FMNL3: variants seen among roughly 807,000 people sequenced by gnomAD.
FMNL3 encodes the protein formin like 3.
A neutral mutation model predicts 119.6 loss-of-function variants in FMNL3; 57 were observed. The ratio of observed to expected loss-of-function variants is 0.48; its 90% CI spans 0.39 to 0.59. FMNL3 has a LOEUF of 0.59. FMNL3 is among the 20% of genes least tolerant of loss of function. FMNL3 has a pLI of 0.00. For synonymous variants in FMNL3, 491 were observed against 507.3 expected (o/e 0.97, Z 0.43); for missense variants, 1,053 against 1,323.5 (o/e 0.80, Z 3.17).
Position 49,641,989 on chromosome 12 carries a change from C to T in FMNL3, c.*3826G>A, listed in dbSNP as rs1565849543. On this transcript the variant is annotated 3_prime_UTR_variant, in exon 26 of 26. Coordinates refer to ENST00000335154, the MANE Select transcript of FMNL3 (RefSeq NM_175736.5). ...AAGCTTTGACAAGAGGGCTGCCGCA[C>T]TGGACGCAGGCAACATCAAGCTGAC... 2 of 1,613,702 alleles carry T rather than the reference C, an allele frequency of 1.2e-6. No individual in the cohort carries two copies. The highest frequency in any genetic ancestry group is 1.7e-6 in the Non-Finnish European group (2 of 1,180,038).
At chr12:49,705,175 T>A (rs189912655) in intron 1 of FMNL3, among the ~76,000 whole-genome samples, 80 of 152,206 alleles carry the variant, frequency 5.3e-4, no homozygotes, top group African/African-American at 1.8e-3. Flanking sequence ...CAACCCTTCA[T>A]CAGCAGCAGC....
chr12:49,699,966 A>T (rs1944857866), intron 1 of FMNL3, among the ~76,000 whole-genome samples: 1 of 152,264 alleles, frequency 6.6e-6, no homozygotes, highest in South Asian at 2.1e-4. Flanking sequence ...TATATGTCTC[A>T]AACGCCTTTA....
intron 1 of FMNL3, among the ~76,000 whole-genome samples, chr12:49,696,766 G>A (rs1477229389): frequency 6.6e-6 from 1 of 152,200 alleles, no homozygotes; most frequent in African/African-American, 2.4e-5. Flanking sequence ...ATCTTCCTCT[G>A]AATGGGAATC....
chr12:49,697,867 AAAG>A (rs1209301568), intron 1 of FMNL3, among the ~76,000 whole-genome samples: 1 of 152,134 alleles, frequency 6.6e-6, no homozygotes, highest in Non-Finnish European at 1.5e-5. Flanking sequence ...TGAAAAAAAA[AAAG>A]ACTATAAAGC....
At chr12:49,656,380 C>A in intron 9 of FMNL3, 24 bp downstream of exon 9, 1 of 1,602,034 alleles carries the variant, frequency 6.2e-7, no homozygotes, top group Non-Finnish European at 8.5e-7. Flanking sequence ...CACACACACA[C>A]ACACGCGAAG....
At chr12:49,667,493 TGACCTGGGGAGGCAGTGGAACAGAACA>T in intron 2 of FMNL3, among the ~76,000 whole-genome samples, 1 of 152,178 alleles carries the variant, frequency 6.6e-6, no homozygotes, top group African/African-American at 2.4e-5. Context: ...TCAAGCAGCA[TGACCTGGGGAGGCAGTGGAACAGAACA>T]GTTAACACAG....
intron 1 of FMNL3, among the ~76,000 whole-genome samples, chr12:49,697,236 A>C (rs756765737): frequency 5.3e-5 from 8 of 152,224 alleles, no homozygotes; most frequent in Non-Finnish European, 1.2e-4. Context: ...TAGAGCCCAC[A>C]GTACAGAGGA....
intron 5 of FMNL3, chr12:49,659,883 C>G: frequency 1.0e-6 from 1 of 985,420 alleles, no homozygotes; most frequent in Non-Finnish European, 1.2e-6. Flanking sequence ...ACTAAGGGAG[C>G]ATCTCTTACA....
intron 13 of FMNL3, 29 bp downstream of exon 13, chr12:49,653,197 A>C: frequency 6.2e-7 from 1 of 1,603,008 alleles, no homozygotes; most frequent in South Asian, 1.1e-5. Context: ...AGGATCAGTC[A>C]GGGACTGCCT....
In FMNL3 at chr12:49,643,503, C is replaced by A; in HGVS notation, c.*2312G>T. 1 of 1,447,024 alleles carries A rather than the reference C, an allele frequency of 6.9e-7. No homozygotes were observed. Among genetic ancestry groups the A allele is most frequent in the Non-Finnish European group, 9.3e-7 (1 of 1,074,996 alleles). 89.6% of individuals were successfully genotyped at this position (1,447,024 alleles called of 1,614,324 possible). ...TTGAGGGTAGACTGGATTGGGAGGG[C>A]TGCACCTGTGGAAGTAGAAAGAACT... On this transcript the variant is annotated 3_prime_UTR_variant, in exon 26 of 26. Coordinates refer to ENST00000335154, the MANE Select transcript of FMNL3 (RefSeq NM_175736.5).
chr12:49,680,788 C>T lies in FMNL3; in HGVS notation c.127-12234G>A, dbSNP rs183745363. Among the ~76,000 whole-genome samples, 5 of 152,312 alleles carry T rather than the reference C, an allele frequency of 3.3e-5. No individual in the cohort carries two copies. In the East Asian group the frequency reaches 9.6e-4, roughly 29 times the overall value. On this transcript the variant is annotated intron_variant, in intron 1 of 25. Transcript: ENST00000335154. Reference sequence around the variant, plus strand: ...TCTTTTATATGCCAGGCACTTTTCTCACATTCTCTCACTTACTATTCTCAA... The same window carrying T: ...TCTTTTATATGCCAGGCACTTTTCTTACATTCTCTCACTTACTATTCTCAA...
Position 49,643,794 on chromosome 12 carries a change from A to G in FMNL3, c.*2021T>C. The G allele has an allele frequency of 6.2e-7, 1 of 1,613,642 alleles. No homozygotes were observed. The highest frequency in any genetic ancestry group is 8.5e-7 in the Non-Finnish European group (1 of 1,179,838). ...CTACCTAAGCCCCTGCTATTTTGTG[A>G]GTTCTGTTCTACCTGCCTCCCAGGC... On this transcript the variant is annotated 3_prime_UTR_variant, in exon 26 of 26. Transcript: ENST00000335154.
intron 1 of FMNL3, among the ~76,000 whole-genome samples, chr12:49,682,660 C>T (rs1433828749): frequency 3.3e-5 from 5 of 152,080 alleles, no homozygotes; most frequent in Non-Finnish European, 5.9e-5. Context: ...TTTCATAGTA[C>T]TTTAAAATAT....
intron 1 of FMNL3, among the ~76,000 whole-genome samples, chr12:49,704,900 T>C (rs981968055): frequency 1.3e-5 from 2 of 151,668 alleles, no homozygotes; most frequent in Admixed American, 1.3e-4. Context: ...TAAGCCAGAG[T>C]CCTTGATTTT....
At chr12:49,691,859 C>A (rs953453517) in intron 1 of FMNL3, among the ~76,000 whole-genome samples, 1 of 151,646 alleles carries the variant, frequency 6.6e-6, no homozygotes, top group Non-Finnish European at 1.5e-5. Flanking sequence ...CATGGTGAAA[C>A]CCCCATCTCT....
At position 49,693,647 on chromosome 12, in the gene FMNL3, T is replaced by G. The variant is rs1005591621; in HGVS notation, c.126+13408A>C. On this transcript the variant is annotated intron_variant, in intron 1 of 25. Coordinates refer to ENST00000335154, the MANE Select transcript of FMNL3 (RefSeq NM_175736.5). ...GCCTCCCAATCTTGGTTTTTTTTTT[T>G]TTTTTTTTTTTTTTTTTTGAGACAG... 2.3e-5 allele frequency among the ~76,000 whole-genome samples: 3 copies of G among 128,286 alleles called. 1 individual carries two copies. The highest frequency in any genetic ancestry group is 4.9e-5 in the Non-Finnish European group (3 of 60,626). The allele number at this position is 128,286 out of a possible 152,430, so 84.2% of individuals were successfully genotyped here.
rs181630424 is a variant in FMNL3 at position 49,678,743 on chromosome 12, A to G, written c.127-10189T>C. ...CTCCCAAAATTTTAAGACTACAGGC[A>G]TGAGCCACAGTGCCCCACCTTGAAT... On this transcript the variant is annotated intron_variant, in intron 1 of 25. Coordinates refer to ENST00000335154, the MANE Select transcript of FMNL3 (RefSeq NM_175736.5). Among the ~76,000 whole-genome samples, 103 of 152,288 alleles carry G rather than the reference A, an allele frequency of 6.8e-4. 1 individual carries two copies. The Middle Eastern group carries it at 0.01, about 15-fold the overall frequency.
chr12:49,646,756 G>A, intron 25 of FMNL3, 130 bp downstream of exon 25: 1 of 1,596,590 alleles, frequency 6.3e-7, no homozygotes, highest in Non-Finnish European at 8.5e-7. Context: ...CTTCAGCACT[G>A]TGGCCCAGGA....
At chr12:49,697,022 G>A in intron 1 of FMNL3, among the ~76,000 whole-genome samples, 1 of 152,244 alleles carries the variant, frequency 6.6e-6, no homozygotes, top group Non-Finnish European at 1.5e-5. Flanking sequence ...TTCATACATA[G>A]ATGGGAGGGG....
Sources: gnomAD v4.1 joint callset for allele counts (sites outside exome capture counted in the v4.1 genomes callset) on GRCh38, gnomAD v4.1.1 for gene constraint, MANE v1.5 for transcripts, NCBI Gene and HGNC (gene_info 2026-07-23, HGNC 2026-07-21) for gene names.